Variants in CTNNA3 observed in about 807,000 individuals in gnomAD.
CTNNA3 encodes catenin alpha-3.
Under a neutral mutation model 95.7 loss-of-function variants are expected in CTNNA3, and 76 were observed. The ratio of observed to expected loss-of-function variants is 0.79; its 90% CI spans 0.66 to 0.96. CTNNA3 has a LOEUF of 0.96. Among genes scored for constraint, CTNNA3 ranks in the 40% least tolerant of loss-of-function variants. The pLI is 0.00. For missense variants in CTNNA3, 1,191 were observed against 1,089.8 expected (o/e 1.09, Z -1.31); for synonymous variants, 431 against 374.4 (o/e 1.15, Z -1.74).
intron 7 of CTNNA3, among the ~76,000 whole-genome samples, chr10:66,991,523 T>C (rs993972533): frequency 1.6e-4 from 24 of 152,144 alleles, no homozygotes; most frequent in African/African-American, 5.8e-4. Flanking sequence ...AAATAAAACA[T>C]TTTGTAGACT....
At chr10:67,494,007 T>C (rs1359179878) in intron 5 of CTNNA3, among the ~76,000 whole-genome samples, 1 of 152,162 alleles carries the variant, frequency 6.6e-6, no homozygotes, top group Admixed American at 6.5e-5. Context: ...TAAAGGAAGG[T>C]CCTCAGGGGA....
chr10:66,900,088 TC>T (rs1845673693), intron 7 of CTNNA3, among the ~76,000 whole-genome samples: 3 of 152,022 alleles, frequency 2.0e-5, no homozygotes, highest in African/African-American at 7.2e-5. Flanking sequence ...GGGAGGCACC[TC>T]CCAGTAGGGG....
intron 7 of CTNNA3, among the ~76,000 whole-genome samples, chr10:66,825,692 ACAAGCTAGC>A (rs1842481710): frequency 6.6e-6 from 1 of 152,134 alleles, no homozygotes; most frequent in Non-Finnish European, 1.5e-5. Context: ...AAGATCTTCC[ACAAGCTAGC>A]CAAACTTTTT....
At chr10:66,181,271 T>C (rs920535607) in intron 13 of CTNNA3, among the ~76,000 whole-genome samples, 2 of 152,220 alleles carry the variant, frequency 1.3e-5, no homozygotes, top group African/African-American at 4.8e-5. Context: ...TTCTACTTAA[T>C]GTAAACCATG....
intron 7 of CTNNA3, among the ~76,000 whole-genome samples, chr10:67,117,598 A>G (rs1859247356): frequency 6.6e-6 from 1 of 152,098 alleles, no homozygotes. Context: ...AGACAAGTGT[A>G]TAAATATTGT....
At chr10:67,546,032 A>G (rs1488926071) in intron 3 of CTNNA3, among the ~76,000 whole-genome samples, 1 of 152,204 alleles carries the variant, frequency 6.6e-6, no homozygotes, top group Non-Finnish European at 1.5e-5. Flanking sequence ...AATATTAAGG[A>G]AGATTTTAAA....
intron 7 of CTNNA3, among the ~76,000 whole-genome samples, chr10:66,984,147 G>A (rs369603857): frequency 0.02 from 1,164 of 56,952 alleles, 15 homozygotes; most frequent in African/African-American, 0.046. Context: ...GGAGTCATCC[G>A]CTACCAAAAA....
At chr10:67,071,153 T>C (rs556461504) in intron 7 of CTNNA3, among the ~76,000 whole-genome samples, 1 of 152,304 alleles carries the variant, frequency 6.6e-6, no homozygotes, top group African/African-American at 2.4e-5. Context: ...TTCAATATAG[T>C]TCACATTCAT....
chr10:67,072,629 G>A (rs948648646), intron 7 of CTNNA3, among the ~76,000 whole-genome samples: 1 of 152,074 alleles, frequency 6.6e-6, no homozygotes, highest in African/African-American at 2.4e-5. Context: ...TCTTCCCCTT[G>A]TTTATCTATA....
intron 5 of CTNNA3, among the ~76,000 whole-genome samples, chr10:67,308,569 T>C (rs1440139639): frequency 6.6e-6 from 1 of 152,006 alleles, no homozygotes; most frequent in Non-Finnish European, 1.5e-5. Flanking sequence ...GACTAATACA[T>C]ACATCTTTGA....
At chr10:65,932,419 A>G (rs1290480278) in intron 17 of CTNNA3, among the ~76,000 whole-genome samples, 2 of 152,196 alleles carry the variant, frequency 1.3e-5, no homozygotes, top group East Asian at 3.8e-4. Flanking sequence ...TGTCAAGACC[A>G]TATGCTTTAA....
Position 66,341,786 on chromosome 10 carries a change from G to A in CTNNA3, c.1732+37366C>T, listed in dbSNP as rs1038113949. ...ATTTGAGAGAAATTTGGAGATGGCC[G>A]CTGAGTCTGTGTGCTGGTCAGGGGG... On this transcript the variant is annotated intron_variant, in intron 12 of 17. Coordinates refer to ENST00000433211, the MANE Select transcript of CTNNA3 (RefSeq NM_013266.4). Among the ~76,000 whole-genome samples, 8 of 151,940 alleles carry A rather than the reference G, an allele frequency of 5.3e-5. No individual in the cohort carries two copies. The East Asian group carries it at 7.7e-4, about 15-fold the overall frequency.
At chr10:66,408,472 T>C (rs943249500) in intron 11 of CTNNA3, among the ~76,000 whole-genome samples, 2 of 152,146 alleles carry the variant, frequency 1.3e-5, no homozygotes, top group Non-Finnish European at 2.9e-5. Context: ...CACAAGGTCT[T>C]GTTAAAATTA....
At chr10:67,087,463 A>G (rs1230477336) in intron 7 of CTNNA3, among the ~76,000 whole-genome samples, 1 of 151,988 alleles carries the variant, frequency 6.6e-6, no homozygotes, top group Non-Finnish European at 1.5e-5. Flanking sequence ...TATTTTTAAT[A>G]TTCTTTTAAA....
intron 2 of CTNNA3, among the ~76,000 whole-genome samples, chr10:67,627,403 CA>C (rs1223379092): frequency 6.6e-6 from 1 of 152,126 alleles, no homozygotes; most frequent in Non-Finnish European, 1.5e-5. Context: ...TCCAGTATCT[CA>C]AAGGCCTTAG....
rs188379854 is a variant in CTNNA3, at chr10:67,384,801, T to C, written c.579+137041A>G. Reference sequence around the variant, plus strand: ...AGGAAGAAATTAGGCAGCTGCTACATATAGAAGATTGTAAAAATGAGAGAA... The same window carrying C: ...AGGAAGAAATTAGGCAGCTGCTACACATAGAAGATTGTAAAAATGAGAGAA... On this transcript the variant is annotated intron_variant, in intron 5 of 17. Coordinates refer to ENST00000433211, the MANE Select transcript of CTNNA3 (RefSeq NM_013266.4). Among the ~76,000 whole-genome samples the C allele has an allele frequency of 1.2e-4, 19 of 152,296 alleles. No individual in the cohort carries two copies. The East Asian group carries it at 2.9e-3, about 23-fold the overall frequency.
intron 3 of CTNNA3, among the ~76,000 whole-genome samples, chr10:67,597,889 G>A (rs1319463386): frequency 6.6e-6 from 1 of 152,216 alleles, no homozygotes; most frequent in Non-Finnish European, 1.5e-5. Flanking sequence ...GCACACTGGT[G>A]AGGGCCCATC....
At chr10:66,550,823 T>TC (rs956599186) in intron 10 of CTNNA3, among the ~76,000 whole-genome samples, 10 of 152,204 alleles carry the variant, frequency 6.6e-5, no homozygotes, top group African/African-American at 2.4e-4. Flanking sequence ...GATTTTTTTT[T>TC]CAGTTTGTTC....
intron 1 of CTNNA3, among the ~76,000 whole-genome samples, chr10:67,745,174 A>T (rs1282824956): frequency 1.3e-5 from 2 of 152,158 alleles, no homozygotes; most frequent in Non-Finnish European, 1.5e-5. Flanking sequence ...TACCCAAAGG[A>T]TTACAAATCA....
Sources: allele counts gnomAD v4.1 joint callset (sites outside exome capture counted in the v4.1 genomes callset), GRCh38; gene constraint gnomAD v4.1.1; transcripts MANE v1.5; gene names NCBI Gene and HGNC (gene_info 2026-07-23, HGNC 2026-07-21).